Variants in GRB10 observed in about 807,000 individuals in gnomAD.
GRB10 encodes the protein growth factor receptor-bound protein 10.
In GRB10, 20 loss-of-function variants were observed where a neutral mutation model predicts 80.9. That is an observed-to-expected ratio of 0.25 (90% CI 0.17 to 0.36). GRB10 has a LOEUF of 0.36. Ranked by LOEUF, GRB10 falls within the 10% of genes least tolerant of loss-of-function variation. GRB10 has a pLI of 1.00. For missense variants in GRB10, 548 were observed against 747.7 expected, an observed-to-expected ratio of 0.73 and a Z score of 3.12; for synonymous variants, 291 against 291.5, an observed-to-expected ratio of 1.00 and a Z score of 0.02.
intron 1 of GRB10, chr7:50,792,336 T>C: frequency 2.6e-6 from 1 of 381,004 alleles, no homozygotes; most frequent in Admixed American, 4.5e-5. Context: ...AAAAATCACC[T>C]GTGGCTCTCT....
chr7:50,686,885 A>G (rs187095615), intron 5 of GRB10, among the ~76,000 whole-genome samples: 2 of 152,296 alleles, frequency 1.3e-5, no homozygotes, highest in East Asian at 3.9e-4. Flanking sequence ...TTACGTTTTA[A>G]TAATTTTCTT....
chr7:50,654,041 C>T (rs371461492), intron 7 of GRB10, among the ~76,000 whole-genome samples: 5 of 152,348 alleles, frequency 3.3e-5, no homozygotes, highest in Admixed American at 6.5e-5. Flanking sequence ...GGGCTGAAGG[C>T]TCAGGAATCC....
At chr7:50,784,447 G>A (rs539363357), upstream of GRB10, among the ~76,000 whole-genome samples, 3 of 152,262 alleles carry the variant, frequency 2.0e-5, no homozygotes, top group African/African-American at 7.2e-5. Context: ...GCAGCTCCCA[G>A]CCTGGATGGT....
At chr7:50,791,773 A>G (rs1041551540) in intron 1 of GRB10, among the ~76,000 whole-genome samples, 1 of 152,202 alleles carries the variant, frequency 6.6e-6, no homozygotes, top group Non-Finnish European at 1.5e-5. Context: ...TAAAACTCAA[A>G]TATTACATGC....
At chr7:50,715,891 A>G (rs193211720) in intron 4 of GRB10, among the ~76,000 whole-genome samples, 58 of 152,344 alleles carry the variant, frequency 3.8e-4, no homozygotes, top group Admixed American at 3.3e-3. Flanking sequence ...GACATGATCC[A>G]CATGACGCAG....
chr7:50,602,957 G>C (rs967304290), intron 17 of GRB10, among the ~76,000 whole-genome samples: 1 of 152,162 alleles, frequency 6.6e-6, no homozygotes, highest in South Asian at 2.1e-4. Context: ...AGGAGGAGGA[G>C]AATGTAGGAA....
intron 3 of GRB10, among the ~76,000 whole-genome samples, chr7:50,745,858 T>C (rs1016654692): frequency 1.3e-5 from 2 of 152,232 alleles, no homozygotes; most frequent in Non-Finnish European, 2.9e-5. Flanking sequence ...TTCTAAACGC[T>C]AAAGTAGTTA....
chr7:50,733,620 T>G (rs1417357834), intron 3 of GRB10, among the ~76,000 whole-genome samples: 1 of 152,138 alleles, frequency 6.6e-6, no homozygotes, highest in Non-Finnish European at 1.5e-5. Context: ...GGCTCAGACG[T>G]CCCCAACCTA....
intron 6 of GRB10, among the ~76,000 whole-genome samples, chr7:50,672,438 T>C (rs1465777414): frequency 6.6e-6 from 1 of 152,172 alleles, no homozygotes; most frequent in African/African-American, 2.4e-5. Flanking sequence ...CTTCACAAAA[T>C]AATCTTTGGT....
At chr7:50,604,900 C>T in intron 15 of GRB10, 1 of 298,464 alleles carries the variant, frequency 3.4e-6, no homozygotes. Context: ...GAGGGAGTGG[C>T]CCAAGGCCTC....
chr7:50,685,451 G>C (rs948403842), intron 5 of GRB10, among the ~76,000 whole-genome samples: 1 of 152,318 alleles, frequency 6.6e-6, no homozygotes, highest in Middle Eastern at 3.4e-3. Context: ...GTAGGAAAGA[G>C]TGGGCACCCA....
intron 4 of GRB10, among the ~76,000 whole-genome samples, chr7:50,717,043 G>T (rs1471198926): frequency 6.6e-6 from 1 of 152,186 alleles, no homozygotes; most frequent in African/African-American, 2.4e-5. Flanking sequence ...AAGTTTCTGA[G>T]CCTCACTTTT....
intron 4 of GRB10, among the ~76,000 whole-genome samples, chr7:50,708,903 T>G (rs561060263): frequency 1.3e-5 from 2 of 152,262 alleles, no homozygotes; most frequent in South Asian, 4.1e-4. Context: ...CTTGATCTCC[T>G]GACCTCGTGA....
intron 3 of GRB10, among the ~76,000 whole-genome samples, chr7:50,742,722 C>T (rs1170263357): frequency 7.0e-6 from 1 of 142,342 alleles, no homozygotes; most frequent in African/African-American, 2.6e-5. Flanking sequence ...AAATGAATCT[C>T]GGGGATGGGG....
At chr7:50,725,048 C>T (rs892644173) in intron 4 of GRB10, among the ~76,000 whole-genome samples, 2 of 152,168 alleles carry the variant, frequency 1.3e-5, no homozygotes, top group Non-Finnish European at 2.9e-5. Context: ...GCTGCCTGCT[C>T]TGCTGGTTAC....
At chr7:50,613,216 C>G (rs987764329) in intron 12 of GRB10, among the ~76,000 whole-genome samples, 1 of 152,132 alleles carries the variant, frequency 6.6e-6, no homozygotes, top group African/African-American at 2.4e-5. Flanking sequence ...GGAGGAGAAC[C>G]TGCCTTCTGA....
intron 17 of GRB10, among the ~76,000 whole-genome samples, chr7:50,603,548 C>A (rs757285429): frequency 6.6e-6 from 1 of 152,184 alleles, no homozygotes; most frequent in Non-Finnish European, 1.5e-5. Context: ...GCCAAGCTGG[C>A]CCAGGTGAGA....
rs2045705869 is a variant in GRB10, at chr7:50,590,281, T to C, written c.*2671A>G. 1 of 152,254 alleles carries C rather than the reference T, an allele frequency of 6.6e-6. No homozygotes were observed. The highest frequency in any genetic ancestry group is 2.4e-5 in the African/African-American group (1 of 41,472). 9.4% of individuals were successfully genotyped at this position (152,254 alleles called of 1,614,324 possible). A position where few individuals can be genotyped will look rare whatever the true frequency, so the allele number is the denominator to read the frequency against. ...TTATACACGCCAGGCCAATTTACAGTCACTGCAGTTTGCACTGTGACATCA... is the reference window on the plus strand; with the variant it reads ...TTATACACGCCAGGCCAATTTACAGCCACTGCAGTTTGCACTGTGACATCA... On this transcript the variant is annotated 3_prime_UTR_variant, in exon 19 of 19. Transcript: ENST00000401949.
chr7:50,775,749 T>C (rs879192720), intron 2 of GRB10, among the ~76,000 whole-genome samples: 2 of 152,248 alleles, frequency 1.3e-5, no homozygotes. Flanking sequence ...AAGGTAGCCA[T>C]GCATCCACAG....
Sources: gnomAD v4.1 joint callset for allele counts (sites outside exome capture counted in the v4.1 genomes callset) on GRCh38, gnomAD v4.1.1 for gene constraint, MANE v1.5 for transcripts, NCBI Gene and HGNC (gene_info 2026-07-23, HGNC 2026-07-21) for gene names.